Variants in GLP2R observed in about 807,000 individuals in gnomAD.
The protein encoded by GLP2R is glucagon-like peptide 2 receptor.
In GLP2R, 59 loss-of-function variants were observed where a neutral mutation model predicts 68.2. The observed-to-expected ratio is 0.87, with a 90% CI of 0.70 to 1.07. The LOEUF (loss-of-function observed/expected upper bound fraction) is 1.07. Ranked by LOEUF, GLP2R falls within the 50% of genes least tolerant of loss-of-function variation. The pLI is 0.00. For synonymous variants in GLP2R, 270 were observed against 265.4 expected (o/e 1.02, Z -0.17); for missense variants, 548 against 677.4 (o/e 0.81, Z 2.12).
At chr17:9,855,737 A>G (rs990193235) in intron 5 of GLP2R, among the ~76,000 whole-genome samples, 1 of 152,230 alleles carries the variant, frequency 6.6e-6, no homozygotes, top group Admixed American at 6.5e-5. Context: ...TGAAATATAG[A>G]GAGATGAAGT....
intron 4 of GLP2R, among the ~76,000 whole-genome samples, chr17:9,846,384 A>C (rs192778150): frequency 2.9e-3 from 437 of 152,232 alleles, no homozygotes; most frequent in Non-Finnish European, 4.6e-3. Flanking sequence ...GGGAAGCTGA[A>C]GTGGGAGGGT....
At chr17:9,841,785 T>C (rs150358529) in intron 3 of GLP2R, among the ~76,000 whole-genome samples, 2 of 152,244 alleles carry the variant, frequency 1.3e-5, no homozygotes, top group African/African-American at 2.4e-5. Flanking sequence ...GCCCATGATA[T>C]GCAGGGCCAG....
chr17:9,861,282 C>T (rs913170109), intron 8 of GLP2R, 83 bp downstream of exon 8: 52 of 936,396 alleles, frequency 5.6e-5, no homozygotes, highest in Non-Finnish European at 7.4e-5. Flanking sequence ...ATCATTTTAC[C>T]GTAGAAAATA....
intron 10 of GLP2R, among the ~76,000 whole-genome samples, chr17:9,873,617 T>TG (rs1170082987): frequency 4.1e-5 from 6 of 146,834 alleles, no homozygotes; most frequent in Middle Eastern, 3.3e-3. Context: ...TTATTTTACA[T>TG]GGGGCCCAGG....
At chr17:9,853,204 A>G (rs1332830495) in intron 4 of GLP2R, 2 of 365,806 alleles carry the variant, frequency 5.5e-6, no homozygotes, top group African/African-American at 2.2e-5. Flanking sequence ...CCTTTTCATC[A>G]TTGTCCGCCT....
rs1597410477 is a variant in GLP2R at position 9,890,056 on chromosome 17, TG to T, written c.*355del. On this transcript the variant is annotated 3_prime_UTR_variant, in exon 13 of 13. Coordinates refer to ENST00000262441, the MANE Select transcript of GLP2R (RefSeq NM_004246.3). ...AGCCAATATCTCTTCCTTTATCCCT[TG>T]GGGTGCATGCTTTCCATCTGAGGTT... The T allele has an allele frequency of 6.4e-6, 3 of 465,282 alleles. No homozygotes were observed. The allele number at this position is 465,282 out of a possible 1,614,324, so 28.8% of individuals were successfully genotyped here.
rs1293288598 is a variant in GLP2R, at chr17:9,890,054, C to G, written c.*349C>G. ...CCAGCCAATATCTCTTCCTTTATCC[C>G]TTGGGGTGCATGCTTTCCATCTGAG... On this transcript the variant is annotated 3_prime_UTR_variant, in exon 13 of 13. Transcript: ENST00000262441. 1 of 467,154 alleles carries G rather than the reference C, an allele frequency of 2.1e-6. No individual in the cohort carries two copies. Among genetic ancestry groups the G allele is most frequent in the South Asian group, 1.5e-5 (1 of 64,642 alleles). The allele number at this position is 467,154 out of a possible 1,614,324, so 28.9% of individuals were successfully genotyped here.
rs1239675654 is a variant in GLP2R, at chr17:9,891,186, T to G, written c.*1481T>G. Reference sequence around the variant, plus strand: ...CAGACAAATAGTCTTCTTGTATAAGTATATCCCATGGGCATATTTAATCTG... The same window carrying G: ...CAGACAAATAGTCTTCTTGTATAAGGATATCCCATGGGCATATTTAATCTG... On this transcript the variant is annotated 3_prime_UTR_variant, in exon 13 of 13. Coordinates refer to ENST00000262441, the MANE Select transcript of GLP2R (RefSeq NM_004246.3). 2 of 152,232 alleles carry G rather than the reference T, an allele frequency of 1.3e-5. No individual in the cohort carries two copies. The highest frequency in any genetic ancestry group is 2.9e-5 in the Non-Finnish European group (2 of 68,048). 9.4% of individuals were successfully genotyped at this position (152,232 alleles called of 1,614,324 possible).
intron 1 of GLP2R, among the ~76,000 whole-genome samples, chr17:9,832,003 C>T (rs1177616672): frequency 6.6e-6 from 1 of 152,142 alleles, no homozygotes; most frequent in Admixed American, 6.5e-5. Context: ...ATATAGCTGC[C>T]GTCTCTAGAA....
chr17:9,876,178 G>A (rs1025082604), intron 10 of GLP2R, among the ~76,000 whole-genome samples: 2 of 152,148 alleles, frequency 1.3e-5, no homozygotes, highest in African/African-American at 2.4e-5. Context: ...CGCCCGGCCC[G>A]ACAAGCATTT....
intron 9 of GLP2R, among the ~76,000 whole-genome samples, chr17:9,870,414 C>A (rs996557753): frequency 6.6e-6 from 1 of 152,102 alleles, no homozygotes; most frequent in African/African-American, 2.4e-5. Flanking sequence ...ATAATGTGAA[C>A]GTCCACCTGC....
intron 1 of GLP2R, among the ~76,000 whole-genome samples, chr17:9,828,773 T>C (rs1486317647): frequency 2.0e-5 from 3 of 152,166 alleles, no homozygotes; most frequent in Non-Finnish European, 4.4e-5. Context: ...CTGCAGAGCC[T>C]CGGGCCGGCT....
chr17:9,862,831 G>C lies in GLP2R; in HGVS notation c.1056+741G>C, dbSNP rs532186969. Among the ~76,000 whole-genome samples, 28 of 152,258 alleles carry C rather than the reference G, an allele frequency of 1.8e-4. No homozygotes were observed. The East Asian group carries it at 5.2e-3, about 28-fold the overall frequency. On this transcript the variant is annotated intron_variant, in intron 9 of 12. Transcript: ENST00000262441. ...TGCTGAACACTACGTGTTGTTCTCT[G>C]CCCACCCTGTTCCCCAAGGGGTTGC...
At chr17:9,849,607 CTTTTT>C (rs57795068) in intron 4 of GLP2R, among the ~76,000 whole-genome samples, 5 of 87,120 alleles carry the variant, frequency 5.7e-5, no homozygotes, top group African/African-American at 1.4e-4. Flanking sequence ...TTTTCTCTTT[CTTTTT>C]TTTTTTTTTT....
chr17:9,856,656 C>T (rs944718208), intron 5 of GLP2R, among the ~76,000 whole-genome samples: 4 of 152,146 alleles, frequency 2.6e-5, no homozygotes, highest in Admixed American at 6.5e-5. Context: ...GAGGTAAGTG[C>T]TCTTGTTCTC....
chr17:9,848,505 TGTGC>T (rs1412357184), intron 4 of GLP2R, among the ~76,000 whole-genome samples: 1 of 152,146 alleles, frequency 6.6e-6, no homozygotes, highest in Non-Finnish European at 1.5e-5. Flanking sequence ...GAACCACAAG[TGTGC>T]GGACACAGTA....
chr17:9,829,360 C>T (rs1184001063), intron 1 of GLP2R, among the ~76,000 whole-genome samples: 1 of 148,038 alleles, frequency 6.8e-6, no homozygotes, highest in Admixed American at 6.8e-5. Context: ...GACAGTTTGG[C>T]AGTCAAAAAC....
intron 3 of GLP2R, among the ~76,000 whole-genome samples, chr17:9,837,442 G>GGA (rs2066743030): frequency 6.6e-6 from 1 of 151,326 alleles, no homozygotes; most frequent in African/African-American, 2.5e-5. Flanking sequence ...CCACTGTCAT[G>GGA]GAGAGGAGAA....
chr17:9,846,326 T>G (rs1426921450), intron 4 of GLP2R, among the ~76,000 whole-genome samples: 2 of 152,172 alleles, frequency 1.3e-5, no homozygotes, highest in African/African-American at 2.4e-5. Flanking sequence ...AGTTTAATGT[T>G]TGTTAGAGGC....
Sources: gnomAD v4.1 joint callset for allele counts (sites outside exome capture counted in the v4.1 genomes callset) on GRCh38, gnomAD v4.1.1 for gene constraint, MANE v1.5 for transcripts, NCBI Gene and HGNC (gene_info 2026-07-23, HGNC 2026-07-21) for gene names.